The following CADM2 variants were observed in gnomAD, a reference collection of about 807,000 sequenced individuals.
The protein encoded by CADM2 is cell adhesion molecule 2, also known as immunoglobulin superfamily member 4D.
CADM2 carries 12 observed loss-of-function variants against 49.8 expected under a neutral mutation model. The observed-to-expected ratio is 0.24, with a 90% CI of 0.15 to 0.39. The LOEUF is 0.39. Ranked by LOEUF, CADM2 falls within the 10% of genes least tolerant of loss-of-function variation. The pLI, the probability that CADM2 is intolerant of heterozygous loss-of-function variation, is 1.00. For missense variants in CADM2, 378 were observed against 492.3 expected (o/e 0.77, Z 2.20); for synonymous variants, 214 against 175.4 (o/e 1.22, Z -1.74).
rs114941063 is a variant in CADM2 at position 85,491,498 on chromosome 3, A to C, written c.62-235024A>C. On this transcript the variant is annotated intron_variant, in intron 1 of 9. Coordinates refer to ENST00000383699, the MANE Select transcript of CADM2 (RefSeq NM_001167675.2). The stretch of plus-strand genomic sequence containing the variant: ...AACCAAGAACTAGAGTTATCACATC[A>C]TGTGAGCGTATATGACATAAATAAC... Among the ~76,000 whole-genome samples the C allele has an allele frequency of 8.7e-3, 1,319 of 152,294 alleles. 24 individuals are homozygous for C. The highest frequency in any genetic ancestry group is 0.031 in the African/African-American group (1,271 of 41,568).
At chr3:85,949,811 G>A (rs1261668767) in intron 7 of CADM2, among the ~76,000 whole-genome samples, 1 of 150,702 alleles carries the variant, frequency 6.6e-6, no homozygotes. Context: ...GATCTTATAA[G>A]GTTAATGAGC....
chr3:85,014,680 T>TATA (rs1559617766), intron 1 of CADM2, among the ~76,000 whole-genome samples: 1 of 152,182 alleles, frequency 6.6e-6, no homozygotes, highest in Non-Finnish European at 1.5e-5. Flanking sequence ...TTGCAGAGGC[T>TATA]ATAGTCATCT....
intron 1 of CADM2, among the ~76,000 whole-genome samples, chr3:85,014,445 T>C (rs2107267703): frequency 6.8e-6 from 1 of 147,956 alleles, no homozygotes; most frequent in East Asian, 2.3e-4. Context: ...AAACATAGTG[T>C]GCATAGGAAA....
At chr3:85,355,630 A>T (rs1247948807) in intron 1 of CADM2, among the ~76,000 whole-genome samples, 1 of 152,134 alleles carries the variant, frequency 6.6e-6, no homozygotes, top group African/African-American at 2.4e-5. Context: ...AATTGTAGAT[A>T]ATGGTGAGTG....
At chr3:85,688,951 T>C (rs1013662931) in intron 1 of CADM2, among the ~76,000 whole-genome samples, 5 of 152,160 alleles carry the variant, frequency 3.3e-5, no homozygotes, top group Non-Finnish European at 5.9e-5. Context: ...CCAAGAGAAA[T>C]GAAATCAAAT....
chr3:85,092,581 G>A (rs1325282527), intron 1 of CADM2, among the ~76,000 whole-genome samples: 1 of 152,142 alleles, frequency 6.6e-6, no homozygotes, highest in Non-Finnish European at 1.5e-5. Flanking sequence ...TATGCAGATG[G>A]TTAAAGACAG....
chr3:85,352,134 T>A (rs2031411745), intron 1 of CADM2, among the ~76,000 whole-genome samples: 1 of 152,142 alleles, frequency 6.6e-6, no homozygotes, highest in Non-Finnish European at 1.5e-5. Context: ...TTAGTTTGTG[T>A]TTTTTGAGGT....
chr3:85,216,349 T>G (rs2107782078), intron 1 of CADM2, among the ~76,000 whole-genome samples: 1 of 147,588 alleles, frequency 6.8e-6, no homozygotes, highest in South Asian at 2.1e-4. Context: ...AATATATTAT[T>G]ATATTAATAG....
At chr3:85,834,866 G>A (rs945488876) in intron 3 of CADM2, among the ~76,000 whole-genome samples, 2 of 151,576 alleles carry the variant, frequency 1.3e-5, no homozygotes, top group Non-Finnish European at 3.0e-5. Flanking sequence ...CAATTTGAGT[G>A]TAAAGGCCTA....
intron 1 of CADM2, among the ~76,000 whole-genome samples, chr3:85,288,084 C>A (rs1373536449): frequency 6.6e-6 from 1 of 151,316 alleles, no homozygotes; most frequent in Admixed American, 6.6e-5. Flanking sequence ...TACCCTAAAA[C>A]TTAAAAGTAT....
At chr3:85,959,555 C>G (rs1289626946) in intron 7 of CADM2, among the ~76,000 whole-genome samples, 1 of 151,790 alleles carries the variant, frequency 6.6e-6, no homozygotes, top group Admixed American at 6.6e-5. Flanking sequence ...CTATCATGCC[C>G]AAGGGACTTA....
chr3:86,032,066 A>G (rs767444004), intron 8 of CADM2, among the ~76,000 whole-genome samples: 5 of 151,784 alleles, frequency 3.3e-5, no homozygotes, highest in African/African-American at 4.8e-5. Context: ...ATGTGTCAAT[A>G]AATAATGATT....
intron 1 of CADM2, among the ~76,000 whole-genome samples, chr3:85,561,707 A>T (rs1427582962): frequency 1.3e-5 from 2 of 152,182 alleles, no homozygotes; most frequent in African/African-American, 4.8e-5. Context: ...GAACAAAAAC[A>T]TCTGTTCATA....
intron 1 of CADM2, among the ~76,000 whole-genome samples, chr3:85,306,952 G>T (rs1406852306): frequency 6.6e-6 from 1 of 151,558 alleles, no homozygotes; most frequent in Non-Finnish European, 1.5e-5. Context: ...TTTTCAGTCA[G>T]TATTTCTTCT....
intron 1 of CADM2, among the ~76,000 whole-genome samples, chr3:85,076,171 C>A (rs1405578819): frequency 6.6e-6 from 1 of 151,992 alleles, no homozygotes; most frequent in African/African-American, 2.4e-5. Flanking sequence ...ATCCTCCCTG[C>A]ATAACTAAAG....
At chr3:86,053,970 C>G (rs894451369) in intron 8 of CADM2, among the ~76,000 whole-genome samples, 7 of 151,606 alleles carry the variant, frequency 4.6e-5, no homozygotes, top group Non-Finnish European at 8.8e-5. Context: ...TATTATTATC[C>G]TGTTTAATAG....
chr3:85,086,217 G>A (rs1293572097), intron 1 of CADM2, among the ~76,000 whole-genome samples: 1 of 152,028 alleles, frequency 6.6e-6, no homozygotes, highest in Non-Finnish European at 1.5e-5. Context: ...CTCAGAAGTA[G>A]CTCATACAGA....
intron 1 of CADM2, among the ~76,000 whole-genome samples, chr3:85,392,189 A>G (rs1371665371): frequency 6.6e-6 from 1 of 152,108 alleles, no homozygotes; most frequent in African/African-American, 2.4e-5. Flanking sequence ...TTAGATTGCT[A>G]GAATCTTGCC....
chr3:85,150,770 A>G (rs9830622), intron 1 of CADM2, among the ~76,000 whole-genome samples: 26,917 of 151,566 alleles, frequency 0.18, 4,526 homozygotes, highest in African/African-American at 0.45. Flanking sequence ...TTAGCCAGGT[A>G]TGGTGGCAGG....
Sources: allele counts gnomAD v4.1 joint callset (sites outside exome capture counted in the v4.1 genomes callset), GRCh38; gene constraint gnomAD v4.1.1; transcripts MANE v1.5; gene names NCBI Gene and HGNC (gene_info 2026-07-23, HGNC 2026-07-21).